The following NOL4 variants were observed in gnomAD, a reference collection of about 807,000 sequenced individuals.
NOL4 encodes the protein nucleolar protein 4.
In NOL4, 17 loss-of-function variants were observed where a neutral mutation model predicts 75.9. The ratio of observed to expected loss-of-function variants is 0.22; its 90% CI spans 0.15 to 0.34. NOL4 has a LOEUF of 0.34. Among genes scored for constraint, NOL4 ranks in the 10% least tolerant of loss-of-function variants. The probability of loss-of-function intolerance (pLI) is 1.00; values close to 1 mark genes in which losing one functional copy is unlikely to be tolerated. For synonymous variants in NOL4, 292 were observed against 289.9 expected (o/e 1.01, Z -0.07); for missense variants, 614 against 793.5 (o/e 0.77, Z 2.72).
In NOL4 at chr18:34,068,147, T is replaced by C. The variant is rs1056039858; in HGVS notation, c.772+25318A>G. 2.6e-5 allele frequency among the ~76,000 whole-genome samples: 4 copies of C among 152,250 alleles called. No homozygotes were observed. The East Asian group carries it at 7.7e-4, about 29-fold the overall frequency. ...TCCATACATGAAGTGGGCATTAATGTGCATGAATAATGGAGAAGCAGACCT... is the reference window on the plus strand; with the variant it reads ...TCCATACATGAAGTGGGCATTAATGCGCATGAATAATGGAGAAGCAGACCT... On this transcript the variant is annotated intron_variant, in intron 5 of 10. Transcript: ENST00000261592.
At chr18:34,038,817 A>C (rs2076022110) in intron 5 of NOL4, among the ~76,000 whole-genome samples, 1 of 151,994 alleles carries the variant, frequency 6.6e-6, no homozygotes, top group South Asian at 2.1e-4. Context: ...ACAAGTTCTA[A>C]TGTTTGATAA....
chr18:34,140,911 A>G (rs559045260), intron 1 of NOL4, among the ~76,000 whole-genome samples: 76 of 151,984 alleles, frequency 5.0e-4, no homozygotes, highest in Middle Eastern at 6.8e-3. Context: ...CTTGTCTAAC[A>G]ATGACTGTAT....
intron 1 of NOL4, among the ~76,000 whole-genome samples, chr18:34,214,336 T>G (rs1300194092): frequency 6.6e-6 from 1 of 152,094 alleles, no homozygotes; most frequent in African/African-American, 2.4e-5. Context: ...TAAGTATTGG[T>G]AGAGTGTTAT....
chr18:34,178,394 T>A (rs1568423470), intron 1 of NOL4, among the ~76,000 whole-genome samples: 1 of 151,624 alleles, frequency 6.6e-6, no homozygotes, highest in East Asian at 1.9e-4. Context: ...TTATTTTGTA[T>A]CAGTAATGAT....
intron 6 of NOL4, among the ~76,000 whole-genome samples, chr18:34,017,164 A>G (rs1056743249): frequency 1.3e-5 from 2 of 152,136 alleles, no homozygotes; most frequent in Admixed American, 1.3e-4. Context: ...CTTACTTCAA[A>G]TAGCATTTTC....
intron 6 of NOL4, among the ~76,000 whole-genome samples, chr18:34,004,984 T>C (rs1325315911): frequency 6.6e-6 from 1 of 152,124 alleles, no homozygotes; most frequent in African/African-American, 2.4e-5. Flanking sequence ...TCAGGGCTTA[T>C]TTCCTATTTG....
At chr18:34,140,629 A>G (rs563922232) in intron 1 of NOL4, among the ~76,000 whole-genome samples, 1 of 152,232 alleles carries the variant, frequency 6.6e-6, no homozygotes, top group Admixed American at 6.5e-5. Context: ...TTGACTCTGT[A>G]TCCAATTTGC....
At chr18:34,135,588 T>C (rs997666663) in intron 1 of NOL4, among the ~76,000 whole-genome samples, 2 of 149,230 alleles carry the variant, frequency 1.3e-5, no homozygotes, top group Non-Finnish European at 3.0e-5. Flanking sequence ...TGCCCGCTAC[T>C]TGGGAGGCTG....
chr18:33,920,975 G>C (rs2067004924), intron 9 of NOL4, among the ~76,000 whole-genome samples: 1 of 152,204 alleles, frequency 6.6e-6, no homozygotes, highest in South Asian at 2.1e-4. Context: ...GGGACAGGAA[G>C]ACAGAGCATG....
chr18:34,169,998 T>C (rs1236919893), intron 1 of NOL4, among the ~76,000 whole-genome samples: 2 of 152,308 alleles, frequency 1.3e-5, no homozygotes, highest in Admixed American at 6.5e-5. Context: ...AACTGCCATC[T>C]CTGACATTCT....
In NOL4 at chr18:33,851,713, G is replaced by A. The variant is rs1001192672; in HGVS notation, c.*1129C>T. ...AATAAGAAAGAAGGGTAAAGTATGG[G>A]GGATAGGAGGGCACAGTTCATTGTA... On this transcript the variant is annotated 3_prime_UTR_variant, in exon 11 of 11. Coordinates refer to ENST00000261592, the MANE Select transcript of NOL4 (RefSeq NM_003787.5). 6.6e-6 allele frequency: 1 copy of A among 152,436 alleles called. No homozygotes were observed. Among genetic ancestry groups the A allele is most frequent in the East Asian group, 1.9e-4 (1 of 5,196 alleles). 9.4% of individuals were successfully genotyped at this position (152,436 alleles called of 1,614,324 possible). A position where few individuals can be genotyped will look rare whatever the true frequency, so the allele number is the denominator to read the frequency against.
chr18:33,887,158 G>A (rs140539621), intron 9 of NOL4, among the ~76,000 whole-genome samples: 2,495 of 140,534 alleles, frequency 0.018, 35 homozygotes, highest in Non-Finnish European at 0.026. Flanking sequence ...AGATATATGT[G>A]TATATATATA....
intron 1 of NOL4, among the ~76,000 whole-genome samples, chr18:34,130,444 G>GA (rs1398052625): frequency 1.3e-5 from 2 of 151,672 alleles, no homozygotes; most frequent in Non-Finnish European, 2.9e-5. Flanking sequence ...TTCGAGAAAT[G>GA]AAAAAAATGA....
At position 34,093,692 on chromosome 18, in the gene NOL4, G is replaced by A. The variant is rs2078633616; in HGVS notation, c.640-95C>T. On this transcript the variant is annotated intron_variant, in intron 4 of 10. Transcript: ENST00000261592. ...TACACAGTCAATTGAAGTTTAACCA[G>A]TAAATTTTTACAGAATTCAGAAAAA... 1.4e-5 allele frequency: 13 copies of A among 951,492 alleles called. No individual in the cohort carries two copies. The East Asian group carries it at 4.0e-4, about 29-fold the overall frequency. 58.9% of individuals were successfully genotyped at this position (951,492 alleles called of 1,614,324 possible). A position where few individuals can be genotyped will look rare whatever the true frequency, so the allele number is the denominator to read the frequency against.
chr18:34,174,093 G>T (rs981426421), intron 1 of NOL4, among the ~76,000 whole-genome samples: 1 of 152,152 alleles, frequency 6.6e-6, no homozygotes, highest in Admixed American at 6.6e-5. Flanking sequence ...GTAACAATAA[G>T]TGAAGTGGAT....
intron 1 of NOL4, among the ~76,000 whole-genome samples, chr18:34,155,103 T>C (rs1419737207): frequency 6.6e-6 from 1 of 151,764 alleles, no homozygotes; most frequent in East Asian, 1.9e-4. Context: ...ATGACAAGAG[T>C]AGCTCCATAC....
intron 1 of NOL4, among the ~76,000 whole-genome samples, chr18:34,189,907 G>T (rs1426160924): frequency 6.6e-6 from 1 of 151,598 alleles, no homozygotes; most frequent in Admixed American, 6.6e-5. Context: ...ACATCATGAG[G>T]TTTCCATCTA....
At chr18:33,918,597 T>A (rs1331456099) in intron 9 of NOL4, among the ~76,000 whole-genome samples, 1 of 152,224 alleles carries the variant, frequency 6.6e-6, no homozygotes, top group African/African-American at 2.4e-5. Context: ...GGAGGCAGTG[T>A]CTGTGCATTT....
rs371980347 is a variant in NOL4, at chr18:34,214,405, C to T, written c.264+8585G>A. The stretch of plus-strand genomic sequence containing the variant: ...GGAATCTTTTTTAGCAAATGAGTTA[C>T]GTTATCATTAGAATTTGGAAACCAG... On this transcript the variant is annotated intron_variant, in intron 1 of 10. Coordinates refer to ENST00000261592, the MANE Select transcript of NOL4 (RefSeq NM_003787.5). 9.2e-5 allele frequency among the ~76,000 whole-genome samples: 14 copies of T among 152,096 alleles called. 1 individual carries two copies. The highest frequency in any genetic ancestry group is 3.4e-4 in the African/African-American group (14 of 41,492).
Sources: gnomAD v4.1 joint callset for allele counts (sites outside exome capture counted in the v4.1 genomes callset) on GRCh38, gnomAD v4.1.1 for gene constraint, MANE v1.5 for transcripts, NCBI Gene and HGNC (gene_info 2026-07-23, HGNC 2026-07-21) for gene names.